ADAMTS2: variants seen among roughly 807,000 people sequenced by gnomAD.
ADAMTS2 encodes A disintegrin and metalloproteinase with thrombospondin motifs 2.
Under a neutral mutation model 123.0 loss-of-function variants are expected in ADAMTS2, and 50 were observed. The ratio of observed to expected loss-of-function variants is 0.41; its 90% confidence interval spans 0.32 to 0.51. The LOEUF is 0.51. ADAMTS2 is among the 20% of genes least tolerant of loss of function. The pLI, the probability that ADAMTS2 is intolerant of heterozygous loss-of-function variation, is 0.35. For missense variants in ADAMTS2, 1,494 were observed against 1,705.2 expected (o/e 0.88, Z 2.18); for synonymous variants, 678 against 695.4 (o/e 0.98, Z 0.39).
At chr5:179,328,973 T>G (rs1451600152) in intron 2 of ADAMTS2, among the ~76,000 whole-genome samples, 1 of 152,128 alleles carries the variant, frequency 6.6e-6, no homozygotes, top group African/African-American at 2.4e-5. Flanking sequence ...ACTTGCCCTA[T>G]CAGATGTCAG....
intron 3 of ADAMTS2, among the ~76,000 whole-genome samples, chr5:179,245,790 AAAAAAC>A (rs1561628641): frequency 1.3e-4 from 18 of 138,588 alleles, no homozygotes; most frequent in Non-Finnish European, 1.9e-4. Flanking sequence ...AAAAAAAAAA[AAAAAAC>A]AAAAAAAACA....
intron 2 of ADAMTS2, among the ~76,000 whole-genome samples, chr5:179,299,860 T>C (rs186162257): frequency 0.012 from 1,893 of 151,894 alleles, 38 homozygotes; most frequent in African/African-American, 0.043. Flanking sequence ...TTTGGGAGGC[T>C]GAGGCGGGCG....
rs145004720 is a variant in ADAMTS2, at chr5:179,162,607, G to A, written c.976-3728C>T. 0.023 allele frequency among the ~76,000 whole-genome samples: 3,543 copies of A among 152,190 alleles called. 72 individuals carry two copies. The highest frequency in any genetic ancestry group is 0.065 in the Middle Eastern group (19 of 294). On this transcript the variant is annotated intron_variant, in intron 5 of 21. Transcript: ENST00000251582. The surrounding 1 kb of genome is among the most constrained non-coding windows in gnomAD (Gnocchi z 5.1). ...CATGTCAGCTTTACCCCACACGGTC[G>A]CCCCTGCTCGAGGGACCCAAGAGAC... is the stretch of plus-strand genomic sequence containing the variant.
intron 3 of ADAMTS2, among the ~76,000 whole-genome samples, chr5:179,240,886 G>A (rs1765652344): frequency 6.6e-6 from 1 of 152,214 alleles, no homozygotes; most frequent in African/African-American, 2.4e-5. Flanking sequence ...TCCGGTAAAG[G>A]GAAGAGGAAC....
intron 10 of ADAMTS2, among the ~76,000 whole-genome samples, chr5:179,151,620 CAGGTCTGG>C (rs1763357117): frequency 6.6e-6 from 1 of 152,196 alleles, no homozygotes; most frequent in Non-Finnish European, 1.5e-5. Context: ...AAATGAGAAT[CAGGTCTGG>C]AGTTCTGGGA....
intron 3 of ADAMTS2, among the ~76,000 whole-genome samples, chr5:179,240,110 G>A (rs1312232616): frequency 6.6e-6 from 1 of 152,218 alleles, no homozygotes; most frequent in Non-Finnish European, 1.5e-5. Flanking sequence ...GCCGTCAGGT[G>A]TGAATGCGGA....
At chr5:179,147,859 G>C (rs998805737) in intron 10 of ADAMTS2, among the ~76,000 whole-genome samples, 3 of 152,138 alleles carry the variant, frequency 2.0e-5, no homozygotes, top group African/African-American at 7.2e-5. Context: ...ATGAGAAGCA[G>C]GAATGAAAAG....
chr5:179,116,260 A>ACCCCCCC (rs146306326), intron 21 of ADAMTS2, among the ~76,000 whole-genome samples: 637 of 93,778 alleles, frequency 6.8e-3, no homozygotes, highest in African/African-American at 8.4e-3. Flanking sequence ...TGACCACGGC[A>ACCCCCCC]CCCCCCCCCC....
At chr5:179,141,603 A>G (rs1321436758) in intron 10 of ADAMTS2, among the ~76,000 whole-genome samples, 2 of 152,182 alleles carry the variant, frequency 1.3e-5, no homozygotes, top group Non-Finnish European at 2.9e-5. Context: ...CTTGGTAAGA[A>G]AAGCAAAAGT....
At chr5:179,213,220 G>T (rs867713081) in intron 3 of ADAMTS2, among the ~76,000 whole-genome samples, 3 of 152,284 alleles carry the variant, frequency 2.0e-5, no homozygotes, top group Middle Eastern at 6.8e-3. Flanking sequence ...CTGCTGAAAT[G>T]TCAGCTCCTA....
At chr5:179,141,558 A>C (rs150012556) in intron 10 of ADAMTS2, among the ~76,000 whole-genome samples, 9 of 152,210 alleles carry the variant, frequency 5.9e-5, no homozygotes, top group Admixed American at 2.0e-4. Context: ...ACAAATGAAG[A>C]AGCTTTTTTT....
rs1452224980 is a variant in ADAMTS2, at chr5:179,170,806, C to T, written c.975+10266G>A. ...TCCTCTCCCCTCCTCGTTCATGCAC[C>T]TCCCTGGGATTAAACAGCAGCTGCT... On this transcript the variant is annotated intron_variant, in intron 5 of 21. Coordinates refer to ENST00000251582, the MANE Select transcript of ADAMTS2 (RefSeq NM_014244.5). The surrounding 1 kb of genome is among the most constrained non-coding windows in gnomAD (Gnocchi z 4.3). Among the ~76,000 whole-genome samples the T allele has an allele frequency of 1.3e-5, 2 of 152,176 alleles. No homozygotes were observed. Among genetic ancestry groups the T allele is most frequent in the Non-Finnish European group, 2.9e-5 (2 of 68,032 alleles).
intron 3 of ADAMTS2, among the ~76,000 whole-genome samples, chr5:179,266,908 G>A (rs1196233068): frequency 6.6e-6 from 1 of 152,274 alleles, no homozygotes; most frequent in East Asian, 1.9e-4. Context: ...TCTCTCCTGT[G>A]CCATTGCTCC....
chr5:179,121,553 G>A (rs1350499456), intron 21 of ADAMTS2, 108 bp downstream of exon 21: 2 of 920,068 alleles, frequency 2.2e-6, no homozygotes, highest in African/African-American at 1.7e-5. Context: ...CGCCCGCAGA[G>A]TCAGGGGAGC....
Position 179,154,906 on chromosome 5 carries a change from G to T in ADAMTS2, c.1146C>A (p.Val382=). The T allele has an allele frequency of 6.2e-7, 1 of 1,613,340 alleles. No individual in the cohort carries two copies. The highest frequency in any genetic ancestry group is 8.5e-7 in the Non-Finnish European group (1 of 1,179,872). Residue 382 remains valine, a synonymous_variant, in exon 7 of 22, where the codon GTC becomes GTA. Coordinates refer to ENST00000251582, the MANE Select transcript of ADAMTS2 (RefSeq NM_014244.5). ...GPSGMQGYAP[V]TGMCHPVRSC... The stretch of plus-strand genomic sequence containing the variant: ...TGCGGACCGGATGGCACATGCCGGT[G>T]ACAGGAGCATAGCCTGGGAGGAGAC...
chr5:179,239,454 G>T (rs1034145483), intron 3 of ADAMTS2, among the ~76,000 whole-genome samples: 5 of 152,118 alleles, frequency 3.3e-5, no homozygotes, highest in Non-Finnish European at 5.9e-5. Flanking sequence ...AGTGAGGGGC[G>T]TGCTGAGGTG....
At chr5:179,137,993 C>A (rs1444778005) in intron 11 of ADAMTS2, 49 bp from the exon 12 acceptor site, 2 of 1,535,788 alleles carry the variant, frequency 1.3e-6, no homozygotes, top group Non-Finnish European at 1.7e-6. Flanking sequence ...TGGAAAGAGG[C>A]AGCACCCGGG....
At chr5:179,191,168 G>A (rs11957171) in intron 4 of ADAMTS2, among the ~76,000 whole-genome samples, 2,767 of 152,310 alleles carry the variant, frequency 0.018, 80 homozygotes, top group African/African-American at 0.063. Flanking sequence ...GGGGCCTCTC[G>A]GCCACTGCGA....
At chr5:179,156,646 C>T (rs987052576) in intron 6 of ADAMTS2, among the ~76,000 whole-genome samples, 4 of 152,232 alleles carry the variant, frequency 2.6e-5, no homozygotes, top group Non-Finnish European at 4.4e-5. Flanking sequence ...GCGTGAGCCA[C>T]CGCGCCCCGT....
Sources: allele counts gnomAD v4.1 joint callset (sites outside exome capture counted in the v4.1 genomes callset), GRCh38; gene constraint gnomAD v4.1.1; non-coding constraint Gnocchi (gnomAD v3.1); transcripts MANE v1.5; gene names NCBI Gene and HGNC (gene_info 2026-07-23, HGNC 2026-07-21).